The following TBL1X variants were observed in gnomAD, a reference collection of about 807,000 sequenced individuals.
The protein encoded by TBL1X is transducin beta like 1 X-linked.
In TBL1X, 10 loss-of-function variants were observed where a neutral mutation model predicts 50.7. That is an observed-to-expected ratio of 0.20 (90% CI 0.12 to 0.33). The LOEUF is 0.33. Among genes scored for constraint, TBL1X ranks in the 10% least tolerant of loss-of-function variants. The pLI is 1.00. For synonymous variants in TBL1X, 190 were observed against 214.7 expected, an observed-to-expected ratio of 0.88 and a Z score of 1.01; for missense variants, 340 against 504.4, an observed-to-expected ratio of 0.67 and a Z score of 3.12.
At chrX:9,703,353 G>A (rs948328154) in intron 12 of TBL1X, among the ~76,000 whole-genome samples, 21 of 106,998 alleles carry the variant, frequency 2.0e-4, no homozygotes, top group Admixed American at 4.0e-4. Flanking sequence ...CTTCCCCTGT[G>A]CCCTTCTGTC....
chrX:9,618,166 G>A (rs1342196576), intron 2 of TBL1X, among the ~76,000 whole-genome samples: 3 of 111,649 alleles, frequency 2.7e-5, no homozygotes, highest in Non-Finnish European at 1.9e-5. Context: ...GGCGGCGTCT[G>A]ACATGTAAAG....
At chrX:9,487,922 G>A (rs756345753) in intron 1 of TBL1X, among the ~76,000 whole-genome samples, 4 of 110,808 alleles carry the variant, frequency 3.6e-5, no homozygotes, top group African/African-American at 9.8e-5. Context: ...TGTTTTCTAC[G>A]GCGTCCCCAA....
intron 2 of TBL1X, among the ~76,000 whole-genome samples, chrX:9,509,482 CTTTTTTT>C (rs63110360): frequency 1.6e-5 from 1 of 63,552 alleles, no homozygotes; most frequent in East Asian, 5.9e-4. Context: ...TACAGAATCG[CTTTTTTT>C]TTTTTTTTTT....
chrX:9,514,306 CA>C (rs1240094466), intron 2 of TBL1X, among the ~76,000 whole-genome samples: 3 of 99,643 alleles, frequency 3.0e-5, no homozygotes, highest in Admixed American at 1.1e-4. Flanking sequence ...AAACCCAAAA[CA>C]AAAAAACCCC....
intron 3 of TBL1X, among the ~76,000 whole-genome samples, chrX:9,650,061 G>T (rs1004010785): frequency 8.9e-6 from 1 of 112,728 alleles, no homozygotes; most frequent in Non-Finnish European, 1.9e-5. Context: ...AGAGTGCTGG[G>T]ATTACAGGCA....
chrX:9,600,336 C>T (rs896815951), intron 2 of TBL1X, among the ~76,000 whole-genome samples: 10 of 108,112 alleles, frequency 9.2e-5, no homozygotes, highest in Non-Finnish European at 1.9e-5. Context: ...TGAGAGCGCT[C>T]TCTGGGGTCC....
chrX:9,590,361 A>T (rs1191403440), intron 2 of TBL1X, among the ~76,000 whole-genome samples: 1 of 88,293 alleles, frequency 1.1e-5, no homozygotes, highest in Non-Finnish European at 2.3e-5. Context: ...CAAGATTAAA[A>T]GTTTTTTTTT....
rs1430969197 is a variant in TBL1X, at chrX:9,465,176, T to C, written c.-472T>C. 3.7e-5 allele frequency: 4 copies of C among 108,665 alleles called. No individual in the cohort carries two copies. The highest frequency in any genetic ancestry group is 1.3e-4 in the African/African-American group (4 of 29,830). The allele number at this position is 108,665 out of a possible 1,213,427, so 9.0% of individuals were successfully genotyped here. On this transcript the variant is annotated 5_prime_UTR_variant, in exon 1 of 18. Coordinates refer to ENST00000645353, the MANE Select transcript of TBL1X (RefSeq NM_005647.4). Reference sequence around the variant, plus strand: ...CCGCCTCAGCGCCCCCACTCCGCGCTTGGGAGCGAGGAGCCGCCAGCGCCC... The same window carrying C: ...CCGCCTCAGCGCCCCCACTCCGCGCCTGGGAGCGAGGAGCCGCCAGCGCCC...
At chrX:9,547,356 A>G (rs1021687980) in intron 2 of TBL1X, among the ~76,000 whole-genome samples, 22 of 108,303 alleles carry the variant, frequency 2.0e-4, no homozygotes, top group South Asian at 8.1e-4. Context: ...GTCTCACTCT[A>G]TCACCTAGGC....
At chrX:9,624,817 CG>C (rs199949313) in intron 2 of TBL1X, among the ~76,000 whole-genome samples, 4,100 of 111,670 alleles carry the variant, frequency 0.037, 199 homozygotes, top group African/African-American at 0.13. Context: ...TACTTAGATA[CG>C]GAAGCTGCTA....
intron 2 of TBL1X, among the ~76,000 whole-genome samples, chrX:9,639,149 C>T (rs993108095): frequency 1.8e-5 from 2 of 110,398 alleles, no homozygotes; most frequent in Admixed American, 9.7e-5. Flanking sequence ...GCCTGTGAAC[C>T]TGCTTGTAGG....
At chrX:9,651,308 T>C (rs956051280) in intron 3 of TBL1X, among the ~76,000 whole-genome samples, 2 of 112,179 alleles carry the variant, frequency 1.8e-5, no homozygotes, top group Admixed American at 1.9e-4. Context: ...GCCTCCCAAA[T>C]TGCTGGGATG....
At chrX:9,605,096 C>T (rs1444345984) in intron 2 of TBL1X, among the ~76,000 whole-genome samples, 1 of 110,304 alleles carries the variant, frequency 9.1e-6, no homozygotes, top group African/African-American at 3.3e-5. Flanking sequence ...GGCGGCTTCA[C>T]GTGGTAAACA....
chrX:9,473,891 T>A (rs2081833105), intron 1 of TBL1X, among the ~76,000 whole-genome samples: 1 of 112,562 alleles, frequency 8.9e-6, no homozygotes, highest in Admixed American at 9.4e-5. Context: ...TGACAGAAAT[T>A]ATTGTAGACC....
chrX:9,521,567 T>C (rs2082107140), intron 2 of TBL1X, among the ~76,000 whole-genome samples: 1 of 112,028 alleles, frequency 8.9e-6, no homozygotes, highest in African/African-American at 3.2e-5. Flanking sequence ...GGGGATTGGT[T>C]CCAGGACCTC....
chrX:9,565,293 AT>A (rs1180424558), intron 2 of TBL1X, among the ~76,000 whole-genome samples: 3 of 106,851 alleles, frequency 2.8e-5, no homozygotes, highest in African/African-American at 6.9e-5. Context: ...AAAAAAAAAA[AT>A]CATAATCATA....
At chrX:9,685,717 C>CTTTTTTTT (rs752837096) in intron 6 of TBL1X, among the ~76,000 whole-genome samples, 10 of 59,614 alleles carry the variant, frequency 1.7e-4, no homozygotes, top group Non-Finnish European at 2.3e-4. Context: ...CTTTTCTTTT[C>CTTTTTTTT]TTTTTTTTTT....
intron 2 of TBL1X, among the ~76,000 whole-genome samples, chrX:9,626,961 G>A (rs1473524575): frequency 8.9e-6 from 1 of 112,232 alleles, no homozygotes; most frequent in Non-Finnish European, 1.9e-5. Flanking sequence ...CTGATGTAAG[G>A]TTCCACACTT....
At chrX:9,576,222 A>T (rs2082410866) in intron 2 of TBL1X, among the ~76,000 whole-genome samples, 1 of 112,030 alleles carries the variant, frequency 8.9e-6, no homozygotes, top group Non-Finnish European at 1.9e-5. Flanking sequence ...GTGGGTTGGG[A>T]TGAACAAGTG....
Sources: gnomAD v4.1 joint callset for allele counts (sites outside exome capture counted in the v4.1 genomes callset) on GRCh38, gnomAD v4.1.1 for gene constraint, MANE v1.5 for transcripts, NCBI Gene and HGNC (gene_info 2026-07-23, HGNC 2026-07-21) for gene names.